The following CNBD1 variants were observed in gnomAD, a reference collection of about 807,000 sequenced individuals.
CNBD1 encodes cyclic nucleotide-binding domain-containing protein 1.
CNBD1 carries 71 observed loss-of-function variants against 54.4 expected under a neutral mutation model. The ratio of observed to expected loss-of-function variants is 1.30; its 90% CI spans 1.08 to 1.59. CNBD1 has a LOEUF of 1.59. Ranked by LOEUF, CNBD1 falls within the 40% of genes most tolerant of loss-of-function variation. CNBD1 has a pLI of 0.00. For missense variants in CNBD1, 659 were observed against 518.0 expected, an observed-to-expected ratio of 1.27 and a Z score of -2.64; for synonymous variants, 182 against 170.7, an observed-to-expected ratio of 1.07 and a Z score of -0.51.
chr8:87,315,194 C>T (rs1809358235), intron 8 of CNBD1, among the ~76,000 whole-genome samples: 1 of 151,990 alleles, frequency 6.6e-6, no homozygotes, highest in African/African-American at 2.4e-5. Flanking sequence ...AATAGTGTAA[C>T]AAATATTTTG....
chr8:86,958,473 G>T (rs766154985), intron 4 of CNBD1, among the ~76,000 whole-genome samples: 1 of 152,160 alleles, frequency 6.6e-6, no homozygotes, highest in African/African-American at 2.4e-5. Context: ...AAGTCTCTTT[G>T]TTGGTCTCTA....
chr8:87,069,767 C>T (rs1810723827), intron 4 of CNBD1, among the ~76,000 whole-genome samples: 1 of 152,018 alleles, frequency 6.6e-6, no homozygotes, highest in Non-Finnish European at 1.5e-5. Flanking sequence ...TGTAATTTAG[C>T]ATTTTAGTTA....
rs1179749959 is a variant in CNBD1 at position 87,138,683 on chromosome 8, C to A, written c.432-67310C>A. 2.0e-5 allele frequency among the ~76,000 whole-genome samples: 3 copies of A among 152,180 alleles called. 1 individual carries two copies. Among genetic ancestry groups the A allele is most frequent in the South Asian group, 4.1e-4 (2 of 4,832 alleles). On this transcript the variant is annotated intron_variant, in intron 4 of 10. Coordinates refer to ENST00000518476, the MANE Select transcript of CNBD1 (RefSeq NM_173538.3). ...CTTGGTTTTGGCCAGGTGCTCCTCT[C>A]GGGTGTTCCCATGGAAACACTAACA...
intron 6 of CNBD1, among the ~76,000 whole-genome samples, chr8:87,280,008 G>T (rs1585979867): frequency 6.6e-6 from 1 of 151,264 alleles, no homozygotes; most frequent in South Asian, 2.1e-4. Flanking sequence ...GATCCTCTTT[G>T]ATTCAGCATA....
At chr8:87,343,523 A>C (rs988717636) in intron 8 of CNBD1, among the ~76,000 whole-genome samples, 1 of 152,198 alleles carries the variant, frequency 6.6e-6, no homozygotes, top group Non-Finnish European at 1.5e-5. Flanking sequence ...TCCCGCAACA[A>C]AAAACAGATT....
intron 8 of CNBD1, among the ~76,000 whole-genome samples, chr8:87,317,222 C>A (rs531978622): frequency 6.6e-6 from 1 of 151,212 alleles, no homozygotes; most frequent in African/African-American, 2.4e-5. Flanking sequence ...TATTTAAATT[C>A]TTCTGTTTGT....
rs531294670 is a variant in CNBD1, at chr8:87,329,159, C to T, written c.1043-22526C>T. Among the ~76,000 whole-genome samples, 25 of 152,192 alleles carry T rather than the reference C, an allele frequency of 1.6e-4. No individual in the cohort carries two copies. In the Middle Eastern group the frequency reaches 0.014, roughly 83 times the overall value. On this transcript the variant is annotated intron_variant, in intron 8 of 10. Coordinates refer to ENST00000518476, the MANE Select transcript of CNBD1 (RefSeq NM_173538.3). ...TGCATGTGGATGTGCAGTTGTTCAG[C>T]ACTGTTCTTTGGAAAGACTACCTAC...
chr8:87,228,028 C>A (rs1187794278), intron 5 of CNBD1, among the ~76,000 whole-genome samples: 3 of 151,756 alleles, frequency 2.0e-5, no homozygotes, highest in South Asian at 4.1e-4. Context: ...TCCAGTTGAT[C>A]GCATCGGCTC....
chr8:87,246,662 G>C (rs1807812393), intron 6 of CNBD1, among the ~76,000 whole-genome samples: 1 of 151,896 alleles, frequency 6.6e-6, no homozygotes, highest in African/African-American at 2.4e-5. Context: ...GTCCCTTTTA[G>C]AATGCTGAAT....
rs753132800 is a variant in CNBD1 at position 86,948,401 on chromosome 8, C to T, written c.431+8647C>T. Among the ~76,000 whole-genome samples the T allele has an allele frequency of 1.6e-4, 25 of 152,168 alleles. No homozygotes were observed. In the South Asian group the frequency reaches 2.3e-3, roughly 14 times the overall value. ...CAGTATACAAGGGTTCCCTTTTCTC[C>T]GCATCCTCACCAGCATTTGTTATTG... On this transcript the variant is annotated intron_variant, in intron 4 of 10. Coordinates refer to ENST00000518476, the MANE Select transcript of CNBD1 (RefSeq NM_173538.3).
chr8:87,076,869 T>C (rs983509481), intron 4 of CNBD1, among the ~76,000 whole-genome samples: 3 of 152,216 alleles, frequency 2.0e-5, no homozygotes, highest in Non-Finnish European at 4.4e-5. Flanking sequence ...TCATGATAAA[T>C]AATACAGAAA....
intron 10 of CNBD1, among the ~76,000 whole-genome samples, chr8:87,357,795 G>T (rs1421314416): frequency 2.0e-5 from 3 of 152,152 alleles, no homozygotes; most frequent in Admixed American, 6.6e-5. Flanking sequence ...GCAACAGAAT[G>T]ATATAGTTTG....
chr8:87,083,294 C>T (rs1323707131), intron 4 of CNBD1, among the ~76,000 whole-genome samples: 3 of 152,188 alleles, frequency 2.0e-5, no homozygotes, highest in Non-Finnish European at 2.9e-5. Context: ...AGATCTTTTT[C>T]TTCCAGGCCC....
chr8:87,373,272 C>T (rs1004186521), intron 10 of CNBD1, among the ~76,000 whole-genome samples: 1 of 151,766 alleles, frequency 6.6e-6, no homozygotes, highest in African/African-American at 2.4e-5. Flanking sequence ...TCTACTGATA[C>T]TTCTAATATA....
At chr8:87,387,751 A>C (rs957232471), downstream of CNBD1, among the ~76,000 whole-genome samples, 5 of 152,120 alleles carry the variant, frequency 3.3e-5, no homozygotes, top group Admixed American at 6.6e-5. Context: ...CTGCACCAAG[A>C]GGACCTAATA....
At chr8:87,161,371 A>C (rs1460563902) in intron 4 of CNBD1, among the ~76,000 whole-genome samples, 1 of 152,172 alleles carries the variant, frequency 6.6e-6, no homozygotes, top group East Asian at 1.9e-4. Context: ...GCTATGGCAC[A>C]GCTAACGCTT....
chr8:87,233,570 A>G (rs1807510213), intron 5 of CNBD1, among the ~76,000 whole-genome samples: 1 of 152,156 alleles, frequency 6.6e-6, no homozygotes, highest in South Asian at 2.1e-4. Flanking sequence ...TCTTGCCTCA[A>G]TGTTGATGGC....
chr8:87,393,977 C>A (rs906619299), intron 2 of CNBD1, among the ~76,000 whole-genome samples: 1 of 151,702 alleles, frequency 6.6e-6, no homozygotes. Flanking sequence ...AATGCACTTA[C>A]TTGAGTAAAT....
At chr8:87,147,764 C>A (rs1299580721) in intron 4 of CNBD1, among the ~76,000 whole-genome samples, 1 of 151,916 alleles carries the variant, frequency 6.6e-6, no homozygotes, top group Non-Finnish European at 1.5e-5. Context: ...ATTTTGAGCA[C>A]CCTAGCCCAA....
Sources: gnomAD v4.1 joint callset for allele counts (sites outside exome capture counted in the v4.1 genomes callset) on GRCh38, gnomAD v4.1.1 for gene constraint, MANE v1.5 for transcripts, NCBI Gene and HGNC (gene_info 2026-07-23, HGNC 2026-07-21) for gene names.